Variants in DACH2 observed in about 807,000 individuals in gnomAD.
DACH2 encodes dachshund homolog 2.
Under a neutral mutation model 35.8 loss-of-function variants are expected in DACH2, and 17 were observed. The ratio of observed to expected loss-of-function variants is 0.48; its 90% CI spans 0.33 to 0.71. DACH2 has a LOEUF of 0.71. DACH2 is among the 30% of genes least tolerant of loss of function. DACH2 has a pLI of 0.02. For missense variants in DACH2, 469 were observed against 472.7 expected, an observed-to-expected ratio of 0.99 and a Z score of 0.07; for synonymous variants, 195 against 177.3, an observed-to-expected ratio of 1.10 and a Z score of -0.79.
chrX:86,483,158 TA>T (rs1278624900), intron 2 of DACH2, among the ~76,000 whole-genome samples: 8,361 of 87,580 alleles, frequency 0.095, 867 homozygotes, highest in African/African-American at 0.31. Flanking sequence ...AAAACAAGCA[TA>T]AAAAAAAAAA....
At chrX:86,457,138 G>A (rs894785873) in intron 2 of DACH2, among the ~76,000 whole-genome samples, 1 of 111,441 alleles carries the variant, frequency 9.0e-6, no homozygotes, top group Non-Finnish European at 1.9e-5. Flanking sequence ...GTGGGGCTAA[G>A]GAGTTGTCTC....
At chrX:86,274,451 C>CTTTTTTTTTTT (rs1160584218) in intron 1 of DACH2, among the ~76,000 whole-genome samples, 1 of 31,320 alleles carries the variant, frequency 3.2e-5, no homozygotes, top group African/African-American at 1.9e-4. Context: ...ACATTAAATC[C>CTTTTTTTTTTT]TTTTTTTTTT....
At chrX:86,546,373 T>TCTTCTTCTTCTG (rs2038961695) in intron 3 of DACH2, among the ~76,000 whole-genome samples, 1 of 66,062 alleles carries the variant, frequency 1.5e-5, no homozygotes. Flanking sequence ...TTCTTCTTCT[T>TCTTCTTCTTCTG]CTTCTTCTTC....
intron 2 of DACH2, among the ~76,000 whole-genome samples, chrX:86,430,632 A>G (rs2157404): frequency 0.2 from 21,908 of 111,726 alleles, 1,791 homozygotes; most frequent in African/African-American, 0.3. Context: ...GGTCTTAGCC[A>G]TAAGGCCATT....
intron 2 of DACH2, among the ~76,000 whole-genome samples, chrX:86,390,713 C>T (rs990570584): frequency 2.7e-5 from 3 of 109,530 alleles, no homozygotes; most frequent in Admixed American, 9.8e-5. Context: ...CCTCAGCCTC[C>T]GGGGTAGTCG....
chrX:86,641,268 A>G (rs745430124), intron 3 of DACH2, among the ~76,000 whole-genome samples: 1 of 112,361 alleles, frequency 8.9e-6, no homozygotes, highest in East Asian at 2.8e-4. Context: ...CTAACGTGTC[A>G]GGCAGAGCTG....
chrX:86,364,857 C>T (rs1457174275), intron 1 of DACH2, among the ~76,000 whole-genome samples: 1 of 111,239 alleles, frequency 9.0e-6, no homozygotes, highest in East Asian at 2.8e-4. Flanking sequence ...AAGTTTTAGA[C>T]TTAAGAGAGC....
At chrX:86,793,190 T>A in intron 7 of DACH2, among the ~76,000 whole-genome samples, 1 of 111,234 alleles carries the variant, frequency 9.0e-6, no homozygotes, top group African/African-American at 3.3e-5. Context: ...TCATGTCCTT[T>A]GCCCACTTTA....
intron 3 of DACH2, among the ~76,000 whole-genome samples, chrX:86,531,247 G>A (rs2038715726): frequency 8.9e-6 from 1 of 111,995 alleles, no homozygotes; most frequent in Admixed American, 9.4e-5. Context: ...ATTCAAATCG[G>A]CTACAGAAAT....
intron 1 of DACH2, among the ~76,000 whole-genome samples, chrX:86,223,826 T>C (rs1449161572): frequency 1.8e-5 from 2 of 112,149 alleles, no homozygotes; most frequent in African/African-American, 6.5e-5. Context: ...TTGACTGTTG[T>C]TGGGGTTGTG....
intron 7 of DACH2, among the ~76,000 whole-genome samples, chrX:86,760,452 C>G (rs1462207233): frequency 9.0e-6 from 1 of 111,507 alleles, no homozygotes; most frequent in African/African-American, 3.3e-5. Flanking sequence ...TGTCTTCAAG[C>G]TCTGAGATTC....
chrX:86,450,909 A>T (rs920943876), intron 2 of DACH2, among the ~76,000 whole-genome samples: 2 of 110,682 alleles, frequency 1.8e-5, no homozygotes, highest in South Asian at 3.8e-4. Context: ...CAACTTTTTC[A>T]TGGGGTTGTT....
chrX:86,667,538 A>AAAGAAAGAAAG (rs2040702442), intron 4 of DACH2, among the ~76,000 whole-genome samples: 10 of 50,580 alleles, frequency 2.0e-4, no homozygotes, highest in African/African-American at 1.1e-3. Context: ...AGAAAGAAAG[A>AAAGAAAGAAAG]AAGAAAGAAG....
intron 4 of DACH2, among the ~76,000 whole-genome samples, chrX:86,667,293 GGAAGGAAGGAAA>G (rs1400462982): frequency 1.7e-5 from 1 of 58,553 alleles, no homozygotes. Context: ...GAGGAAGGAA[GGAAGGAAGGAAA>G]GAAGGAAGGA....
chrX:86,423,013 T>A (rs981474228), intron 2 of DACH2, among the ~76,000 whole-genome samples: 1 of 111,836 alleles, frequency 8.9e-6, no homozygotes, highest in African/African-American at 3.2e-5. Flanking sequence ...ATTCTTTTTA[T>A]GGCTGAAAAG....
intron 1 of DACH2, among the ~76,000 whole-genome samples, chrX:86,212,526 G>A (rs983913513): frequency 6.3e-5 from 7 of 110,743 alleles, no homozygotes; most frequent in Non-Finnish European, 1.3e-4. Flanking sequence ...ATCAAGCCAG[G>A]CTGATTGGAA....
chrX:86,610,729 GAGCCACCA>G (rs1423660611), intron 3 of DACH2, among the ~76,000 whole-genome samples: 1 of 110,645 alleles, frequency 9.0e-6, no homozygotes, highest in Non-Finnish European at 1.9e-5. Flanking sequence ...TTACATGTGT[GAGCCACCA>G]TGCCTAGTCG....
intron 2 of DACH2, among the ~76,000 whole-genome samples, chrX:86,450,873 G>A (rs1481637250): frequency 9.0e-6 from 1 of 110,935 alleles, no homozygotes; most frequent in Non-Finnish European, 1.9e-5. Flanking sequence ...TGTCTTCTTT[G>A]ATAAGTGTCT....
Position 86,399,762 on chromosome X carries a change from A to T in DACH2, c.527+22900A>T, listed in dbSNP as rs759829605. On this transcript the variant is annotated intron_variant, in intron 2 of 11. Transcript: ENST00000373125. ...TGCTGAGAGATCAGCTGTTAGTCTG[A>T]TGGGCTTTCCTTTGTGGGTAACCAG... Among the ~76,000 whole-genome samples the T allele has an allele frequency of 1.8e-3, 196 of 111,859 alleles. 1 individual carries two copies. The highest frequency in any genetic ancestry group is 6.2e-3 in the African/African-American group (190 of 30,744).
Sources: gnomAD v4.1 joint callset for allele counts (sites outside exome capture counted in the v4.1 genomes callset) on GRCh38, gnomAD v4.1.1 for gene constraint, MANE v1.5 for transcripts, NCBI Gene and HGNC (gene_info 2026-07-23, HGNC 2026-07-21) for gene names.